ST7: variants seen among roughly 807,000 people sequenced by gnomAD.
ST7 encodes the protein suppression of tumorigenicity 7, also known as suppressor of tumorigenicity 7 protein.
ST7 carries 28 observed loss-of-function variants against 78.7 expected under a neutral mutation model. The ratio of observed to expected loss-of-function variants is 0.36; its 90% CI spans 0.26 to 0.49. The LOEUF (loss-of-function observed/expected upper bound fraction) is 0.49, where lower values mean the gene tolerates loss of function less well. Ranked by LOEUF, ST7 falls within the 20% of genes least tolerant of loss-of-function variation. The probability of loss-of-function intolerance (pLI) is 0.99; values close to 1 mark genes in which losing one functional copy is unlikely to be tolerated. For synonymous variants in ST7, 247 were observed against 249.6 expected, an observed-to-expected ratio of 0.99 and a Z score of 0.10; for missense variants, 418 against 696.0, an observed-to-expected ratio of 0.60 and a Z score of 4.49.
chr7:117,220,217 A>T (rs1202891858), intron 14 of ST7, among the ~76,000 whole-genome samples: 1 of 152,206 alleles, frequency 6.6e-6, no homozygotes, highest in East Asian at 1.9e-4. Context: ...TGCAGAACTC[A>T]ATGGCTGTCA....
intron 1 of ST7, among the ~76,000 whole-genome samples, chr7:116,993,878 T>C (rs1213889760): frequency 6.6e-6 from 1 of 152,234 alleles, no homozygotes; most frequent in Non-Finnish European, 1.5e-5. Flanking sequence ...GATTGTATTG[T>C]ATAAGGTATT....
intron 1 of ST7, among the ~76,000 whole-genome samples, chr7:117,039,580 C>CA (rs573637216): frequency 0.018 from 1,436 of 81,500 alleles, 13 homozygotes; most frequent in African/African-American, 0.052. Context: ...TCTGTAAAAG[C>CA]AAAAAAAAAA....
chr7:117,191,151 G>T (rs1278407701), intron 12 of ST7, among the ~76,000 whole-genome samples: 1 of 152,190 alleles, frequency 6.6e-6, no homozygotes, highest in Non-Finnish European at 1.5e-5. Context: ...CTTAATAAGG[G>T]TAAATCGATA....
intron 1 of ST7, among the ~76,000 whole-genome samples, chr7:117,007,650 G>T (rs905250782): frequency 1.3e-5 from 2 of 152,196 alleles, no homozygotes; most frequent in Non-Finnish European, 2.9e-5. Flanking sequence ...ATGCCATCTA[G>T]GCCTTTCATA....
At chr7:117,094,166 A>G (rs1800849307) in intron 1 of ST7, among the ~76,000 whole-genome samples, 1 of 152,216 alleles carries the variant, frequency 6.6e-6, no homozygotes, top group Non-Finnish European at 1.5e-5. Flanking sequence ...TATTCCATGT[A>G]TTTGTATACA....
At chr7:116,997,118 G>T (rs1201985425) in intron 1 of ST7, among the ~76,000 whole-genome samples, 4 of 152,272 alleles carry the variant, frequency 2.6e-5, no homozygotes, top group Admixed American at 2.6e-4. Context: ...CCTTCTGGTG[G>T]GTTCATGGTC....
chr7:117,213,215 C>T (rs537637815), intron 13 of ST7, among the ~76,000 whole-genome samples: 2 of 152,288 alleles, frequency 1.3e-5, no homozygotes, highest in South Asian at 4.1e-4. Context: ...TTTGACATCT[C>T]CAGCCTCATA....
chr7:117,211,305 A>C (rs1397892771), intron 13 of ST7, among the ~76,000 whole-genome samples: 2 of 152,160 alleles, frequency 1.3e-5, no homozygotes, highest in South Asian at 4.1e-4. Context: ...GGCACCAGCA[A>C]CTGTATTTAA....
chr7:117,195,144 T>C (rs1810184864), intron 12 of ST7, among the ~76,000 whole-genome samples: 3 of 144,410 alleles, frequency 2.1e-5, no homozygotes, highest in Admixed American at 2.0e-4. Flanking sequence ...TTTTAAATAC[T>C]TTTACTATTT....
chr7:116,971,784 CAAAAGTGAGA>C (rs142441439), intron 1 of ST7, among the ~76,000 whole-genome samples: 1,585 of 152,222 alleles, frequency 0.01, 27 homozygotes, highest in African/African-American at 0.035. Context: ...AGTCACCTTC[CAAAAGTGAGA>C]AAAGGATTAG....
At position 117,190,099 on chromosome 7, in the gene ST7, A is replaced by G. The variant is rs929963391; in HGVS notation, c.1151+706A>G. On this transcript the variant is annotated intron_variant, in intron 11 of 15. Coordinates refer to ENST00000323984, the MANE Select transcript of ST7 (RefSeq NM_001369598.1). The surrounding 1 kb of genome is among the most constrained non-coding windows in gnomAD (Gnocchi z 5.2). Reference sequence around the variant, plus strand: ...TAAGTGTGTGTACACTTCAAGACCAAAGTAATTTTCTTTCATTCTTTTTTA... The same window carrying G: ...TAAGTGTGTGTACACTTCAAGACCAGAGTAATTTTCTTTCATTCTTTTTTA... The G allele has an allele frequency of 1.2e-5, 2 of 166,494 alleles. No homozygotes were observed. The highest frequency in any genetic ancestry group is 4.8e-5 in the African/African-American group (2 of 41,396). 10.3% of individuals were successfully genotyped at this position (166,494 alleles called of 1,614,324 possible).
chr7:117,020,955 C>G (rs1365627265), intron 1 of ST7, among the ~76,000 whole-genome samples: 1 of 152,070 alleles, frequency 6.6e-6, no homozygotes, highest in African/African-American at 2.4e-5. Flanking sequence ...GTGCTTAAAC[C>G]TTAAAATAGA....
chr7:117,209,938 G>C lies in ST7; in HGVS notation c.1405+1G>C. Reference sequence around the variant, plus strand: ...CTTTTGCATTGTACGTGGGAAGGCAGTAAGTAATTTTCTTTTTTTGAAACA... The same window carrying C: ...CTTTTGCATTGTACGTGGGAAGGCACTAAGTAATTTTCTTTTTTTGAAACA... On this transcript the variant is annotated splice_donor_variant, in intron 13 of 15. Transcript: ENST00000323984. LOFTEE classifies it high-confidence loss of function. 1 of 1,603,154 alleles carries C rather than the reference G, an allele frequency of 6.2e-7. No homozygotes were observed. Among genetic ancestry groups the C allele is most frequent in the Non-Finnish European group, 8.5e-7 (1 of 1,177,520 alleles).
Position 116,953,758 on chromosome 7 carries a change from C to A in ST7, c.151+67C>A, listed in dbSNP as rs540279120. 1.5e-5 allele frequency: 17 copies of A among 1,168,002 alleles called. No individual in the cohort carries two copies. In the Admixed American group the frequency reaches 4.9e-4, roughly 34 times the overall value. 72.4% of individuals were successfully genotyped at this position (1,168,002 alleles called of 1,614,324 possible). A position where few individuals can be genotyped will look rare whatever the true frequency, so the allele number is the denominator to read the frequency against. ...CGCCCCGGAAAGTTAGTGCAACTCG[C>A]GCGGGGCCGCGGCCAGGCGCGCGCT... On this transcript the variant is annotated intron_variant, in intron 1 of 15. Coordinates refer to ENST00000323984, the MANE Select transcript of ST7 (RefSeq NM_001369598.1).
At chr7:117,226,076 T>A (rs1008424417) in intron 15 of ST7, among the ~76,000 whole-genome samples, 2 of 152,240 alleles carry the variant, frequency 1.3e-5, no homozygotes, top group Non-Finnish European at 2.9e-5. Context: ...TCTTGATTTC[T>A]GACTCTCATG....
In ST7 at chr7:117,119,325, C is replaced by G. The variant is rs552332415; in HGVS notation, c.235-236C>G. ...ATATTGAGCAGTTCTTAACAGTGTTCTTTTATCCATGATTGATGTTATAGT... is the reference window on the plus strand; with the variant it reads ...ATATTGAGCAGTTCTTAACAGTGTTGTTTTATCCATGATTGATGTTATAGT... On this transcript the variant is annotated intron_variant, in intron 2 of 15. Coordinates refer to ENST00000323984, the MANE Select transcript of ST7 (RefSeq NM_001369598.1). Among the ~76,000 whole-genome samples the G allele has an allele frequency of 2.0e-5, 3 of 152,126 alleles. No homozygotes were observed. The South Asian group carries it at 6.2e-4, about 32-fold the overall frequency.
chr7:117,017,597 C>T (rs113647348), intron 1 of ST7, among the ~76,000 whole-genome samples: 1,571 of 152,198 alleles, frequency 0.01, 24 homozygotes, highest in African/African-American at 0.034. Context: ...AGCCAAAGAT[C>T]ACTTTGGGTT....
intron 1 of ST7, chr7:117,081,220 A>T (rs1442021555): frequency 1.3e-5 from 2 of 152,170 alleles, no homozygotes; most frequent in African/African-American, 2.4e-5. Context: ...TAACATGTAG[A>T]AACTGTAATA....
At chr7:117,021,455 A>G (rs984987726) in intron 1 of ST7, among the ~76,000 whole-genome samples, 9 of 152,362 alleles carry the variant, frequency 5.9e-5, no homozygotes, top group Non-Finnish European at 8.8e-5. Context: ...AAGAATTTCT[A>G]AAGAGACTTT....
Sources: allele counts gnomAD v4.1 joint callset (sites outside exome capture counted in the v4.1 genomes callset), GRCh38; gene constraint gnomAD v4.1.1; non-coding constraint Gnocchi (gnomAD v3.1); transcripts MANE v1.5; gene names NCBI Gene and HGNC (gene_info 2026-07-23, HGNC 2026-07-21).